Variants in NCOA3 observed in about 807,000 individuals in gnomAD.
The protein encoded by NCOA3 is CBP-interacting protein.
Under a neutral mutation model 158.8 loss-of-function variants are expected in NCOA3, and 51 were observed. The observed-to-expected ratio is 0.32, with a 90% CI of 0.26 to 0.41. The LOEUF is 0.41. Ranked by LOEUF, NCOA3 falls within the 10% of genes least tolerant of loss-of-function variation. The pLI is 1.00. For missense variants in NCOA3, 1,510 were observed against 1,746.6 expected, an observed-to-expected ratio of 0.86 and a Z score of 2.41; for synonymous variants, 537 against 592.4, an observed-to-expected ratio of 0.91 and a Z score of 1.36.
chr20:47,576,210 A>G (rs2085369921), intron 1 of NCOA3, among the ~76,000 whole-genome samples: 1 of 152,194 alleles, frequency 6.6e-6, no homozygotes, highest in African/African-American at 2.4e-5. Context: ...TTACCTGTGT[A>G]TAGTAATGGT....
intron 1 of NCOA3, among the ~76,000 whole-genome samples, chr20:47,530,276 T>A (rs999178464): frequency 6.6e-6 from 1 of 152,170 alleles, no homozygotes; most frequent in African/African-American, 2.4e-5. Context: ...AGAAGATATA[T>A]AATCATCCTT....
intron 1 of NCOA3, among the ~76,000 whole-genome samples, chr20:47,533,305 G>A (rs912788479): frequency 2.3e-4 from 27 of 118,980 alleles, no homozygotes; most frequent in Admixed American, 1.1e-3. Flanking sequence ...AAAAAAAAAA[G>A]ATCATTGATT....
At chr20:47,645,260 G>T (rs1303950943) in intron 17 of NCOA3, among the ~76,000 whole-genome samples, 3 of 152,022 alleles carry the variant, frequency 2.0e-5, no homozygotes, top group Non-Finnish European at 4.4e-5. Context: ...TAGGTAGAAG[G>T]TACAGGCCTT....
intron 2 of NCOA3, among the ~76,000 whole-genome samples, chr20:47,587,275 T>C (rs1348769861): frequency 1.3e-5 from 2 of 152,202 alleles, no homozygotes; most frequent in African/African-American, 4.8e-5. Context: ...GTTTGGCTAG[T>C]GAAACTCCTG....
intron 2 of NCOA3, among the ~76,000 whole-genome samples, chr20:47,584,728 GAGAA>G (rs1459005833): frequency 6.6e-6 from 1 of 152,072 alleles, no homozygotes; most frequent in African/African-American, 2.4e-5. Context: ...GCTTGAGGAG[GAGAA>G]AGAAGAGGAA....
chr20:47,510,195 G>A (rs2084094101), intron 1 of NCOA3, among the ~76,000 whole-genome samples: 1 of 152,028 alleles, frequency 6.6e-6, no homozygotes, highest in Admixed American at 6.6e-5. Flanking sequence ...CACTTTGGGA[G>A]GCCAAGATGA....
chr20:47,603,335 G>T (rs1029389596), intron 2 of NCOA3, among the ~76,000 whole-genome samples: 30 of 152,222 alleles, frequency 2.0e-4, no homozygotes, highest in African/African-American at 7.0e-4. Context: ...CATCTGTTCC[G>T]TGCTCTCAAA....
At chr20:47,575,708 G>A (rs1408486300) in intron 1 of NCOA3, among the ~76,000 whole-genome samples, 1 of 152,140 alleles carries the variant, frequency 6.6e-6, no homozygotes, top group Non-Finnish European at 1.5e-5. Flanking sequence ...TGCCTACAGG[G>A]TATTCTAAAC....
At chr20:47,563,684 C>T (rs926588894) in intron 1 of NCOA3, among the ~76,000 whole-genome samples, 1 of 151,774 alleles carries the variant, frequency 6.6e-6, no homozygotes, top group Admixed American at 6.6e-5. Context: ...GTCAGGAATT[C>T]GAGACCAGCC....
chr20:47,550,136 T>G (rs975920746), intron 1 of NCOA3, among the ~76,000 whole-genome samples: 1 of 148,726 alleles, frequency 6.7e-6, no homozygotes, highest in Non-Finnish European at 1.5e-5. Context: ...GTATTTCAAT[T>G]TTTTTTTTTT....
At chr20:47,590,965 T>C (rs1213377019) in intron 2 of NCOA3, among the ~76,000 whole-genome samples, 1 of 151,274 alleles carries the variant, frequency 6.6e-6, no homozygotes, top group Non-Finnish European at 1.5e-5. Context: ...AAAAATTAGC[T>C]GGGGGTGGTG....
chr20:47,593,334 A>ATTTTTTTTTTTTTT (rs71183267), intron 2 of NCOA3, among the ~76,000 whole-genome samples: 2 of 63,754 alleles, frequency 3.1e-5, no homozygotes, highest in African/African-American at 1.3e-4. Context: ...GAGTTGATGG[A>ATTTTTTTTTTTTTT]TTTTTTTTTT....
At chr20:47,582,822 T>A (rs565832327) in intron 1 of NCOA3, among the ~76,000 whole-genome samples, 1 of 152,304 alleles carries the variant, frequency 6.6e-6, no homozygotes, top group East Asian at 1.9e-4. Flanking sequence ...TGAGAGAGAA[T>A]CTCGCTCTGT....
At chr20:47,609,297 G>T (rs1345440702) in intron 2 of NCOA3, among the ~76,000 whole-genome samples, 1 of 152,104 alleles carries the variant, frequency 6.6e-6, no homozygotes, top group Non-Finnish European at 1.5e-5. Context: ...CCGATATGTT[G>T]AACAGTGACC....
intron 1 of NCOA3, among the ~76,000 whole-genome samples, chr20:47,561,070 G>A (rs970199980): frequency 3.4e-5 from 5 of 148,864 alleles, no homozygotes; most frequent in Admixed American, 2.0e-4. Context: ...GGGCTCAGGC[G>A]ATCCTCCTAC....
At chr20:47,642,430 G>A (rs1485733407) in intron 17 of NCOA3, 46 bp downstream of exon 17, 22 of 1,415,904 alleles carry the variant, frequency 1.6e-5, no homozygotes, top group Non-Finnish European at 2.0e-5. Context: ...ATTTGTGTGT[G>A]TGCGCGCGTA....
intron 2 of NCOA3, among the ~76,000 whole-genome samples, chr20:47,602,311 T>A (rs895397621): frequency 1.3e-5 from 2 of 152,246 alleles, no homozygotes; most frequent in African/African-American, 4.8e-5. Flanking sequence ...GTTATATTGC[T>A]GTTCTCTTTG....
intron 1 of NCOA3, among the ~76,000 whole-genome samples, chr20:47,558,574 G>GTCCC (rs957504279): frequency 2.6e-5 from 4 of 152,088 alleles, no homozygotes; most frequent in Admixed American, 2.6e-4. Flanking sequence ...CAGTTTCAGT[G>GTCCC]TCCCTATCAG....
chr20:47,642,167 GA>G (rs11480806), intron 16 of NCOA3, 45 bp from the exon 17 acceptor site: 26,110 of 1,030,078 alleles, frequency 0.025, no homozygotes, highest in South Asian at 0.042. Flanking sequence ...ATTACTCTTA[GA>G]AAAAAAAAAA....
Sources: gnomAD v4.1 joint callset for allele counts (sites outside exome capture counted in the v4.1 genomes callset) on GRCh38, gnomAD v4.1.1 for gene constraint, MANE v1.5 for transcripts, NCBI Gene and HGNC (gene_info 2026-07-23, HGNC 2026-07-21) for gene names.